The following DMD variants were observed in gnomAD, a reference collection of about 807,000 sequenced individuals.
DMD encodes the protein mutant dystrophin.
DMD carries 63 observed loss-of-function variants against 330.1 expected under a neutral mutation model. That is an observed-to-expected ratio of 0.19 (90% CI 0.16 to 0.24). DMD has a LOEUF of 0.24. Among genes scored for constraint, DMD ranks in the 10% least tolerant of loss-of-function variants. The probability of loss-of-function intolerance (pLI) is 1.00; values close to 1 mark genes in which losing one functional copy is unlikely to be tolerated. For missense variants in DMD, 3,344 were observed against 2,684.1 expected (o/e 1.25, Z -5.43); for synonymous variants, 1,223 against 959.8 (o/e 1.27, Z -5.07).
intron 9 of DMD, among the ~76,000 whole-genome samples, chrX:32,689,023 A>AT (rs1293255666): frequency 1.8e-5 from 2 of 111,000 alleles, no homozygotes; most frequent in African/African-American, 3.3e-5. Flanking sequence ...TCTTTGTAAG[A>AT]TTTTTTTGAA....
chrX:32,795,435 C>A (rs1277234124), intron 7 of DMD, among the ~76,000 whole-genome samples: 1 of 111,854 alleles, frequency 8.9e-6, no homozygotes, highest in Non-Finnish European at 1.9e-5. Flanking sequence ...GAAACTGGAT[C>A]CCTGTCTCTC....
At chrX:32,360,670 C>G (rs960745715) in intron 37 of DMD, among the ~76,000 whole-genome samples, 2 of 108,719 alleles carry the variant, frequency 1.8e-5, no homozygotes, top group African/African-American at 6.7e-5. Flanking sequence ...GCCCGTAATC[C>G]CAGCTACTTG....
intron 23 of DMD, among the ~76,000 whole-genome samples, chrX:32,468,270 G>A (rs1222495968): frequency 9.0e-6 from 1 of 110,677 alleles, no homozygotes. Context: ...ATTGGTAATG[G>A]TGAAAATAGA....
chrX:32,518,170 A>G (rs1037132073), intron 17 of DMD, 39 bp from the exon 18 acceptor site: 2 of 1,167,994 alleles, frequency 1.7e-6, no homozygotes, highest in African/African-American at 1.8e-5. Context: ...TTTCTTGATT[A>G]TCTCTTTCTT....
chrX:31,170,259 G>A (rs1326607456), intron 73 of DMD, among the ~76,000 whole-genome samples: 3 of 111,268 alleles, frequency 2.7e-5, no homozygotes, highest in Non-Finnish European at 5.7e-5. Flanking sequence ...CTCATTCCTC[G>A]GGGCAGAGTT....
chrX:32,160,634 A>T (rs1188946146), intron 44 of DMD, among the ~76,000 whole-genome samples: 1 of 111,278 alleles, frequency 9.0e-6, no homozygotes, highest in Non-Finnish European at 1.9e-5. Flanking sequence ...GTTGTCCAGG[A>T]CAAATAACTG....
At chrX:32,686,328 C>T (rs111781339) in intron 9 of DMD, among the ~76,000 whole-genome samples, 4,428 of 110,200 alleles carry the variant, frequency 0.04, 241 homozygotes, top group African/African-American at 0.14. Context: ...ATGGCCAAGG[C>T]GGCTGGATCA....
intron 1 of DMD, among the ~76,000 whole-genome samples, chrX:33,175,741 A>T (rs1172233568): frequency 8.9e-6 from 1 of 112,009 alleles, no homozygotes; most frequent in Admixed American, 9.5e-5. Context: ...TTAGTAAAAC[A>T]GGGAAGCATA....
chrX:32,407,023 T>C (rs1266616422), intron 30 of DMD, among the ~76,000 whole-genome samples: 1 of 111,378 alleles, frequency 9.0e-6, no homozygotes, highest in African/African-American at 3.3e-5. Flanking sequence ...ATAAAAACCC[T>C]AGAAGAAAAC....
chrX:32,317,702 CAT>C (rs1448976667), intron 41 of DMD, among the ~76,000 whole-genome samples: 4 of 111,068 alleles, frequency 3.6e-5, no homozygotes, highest in East Asian at 2.8e-4. Flanking sequence ...TGCTATATGA[CAT>C]ATGATTATGA....
At chrX:31,142,652 A>G (rs1451373297) in intron 76 of DMD, among the ~76,000 whole-genome samples, 4 of 112,566 alleles carry the variant, frequency 3.6e-5, no homozygotes, top group Admixed American at 9.4e-5. Context: ...TCAATAAAAT[A>G]TAAAATGCTT....
chrX:31,344,885 A>T (rs1352992909), intron 61 of DMD, among the ~76,000 whole-genome samples: 1 of 111,164 alleles, frequency 9.0e-6, no homozygotes, highest in African/African-American at 3.3e-5. Flanking sequence ...ACACGCAACC[A>T]CAAGAGAAAT....
chrX:32,939,076 A>G (rs1461126754), intron 2 of DMD, among the ~76,000 whole-genome samples: 1 of 109,913 alleles, frequency 9.1e-6, no homozygotes, highest in African/African-American at 3.3e-5. Flanking sequence ...TACATTTATA[A>G]TCACGAACAG....
intron 63 of DMD, among the ~76,000 whole-genome samples, chrX:31,249,497 G>T (rs1274411166): frequency 9.0e-6 from 1 of 111,303 alleles, no homozygotes; most frequent in African/African-American, 3.3e-5. Flanking sequence ...CACCTGCCTC[G>T]GCCTCCCAAA....
chrX:31,275,637 C>A (rs1029205812), intron 62 of DMD, among the ~76,000 whole-genome samples: 3 of 110,719 alleles, frequency 2.7e-5, no homozygotes, highest in African/African-American at 9.9e-5. Flanking sequence ...TGGGAAGAAA[C>A]AAGGGTGGAA....
chrX:31,148,670 T>G (rs1378793216), intron 74 of DMD, among the ~76,000 whole-genome samples: 2 of 112,130 alleles, frequency 1.8e-5, no homozygotes, highest in African/African-American at 6.5e-5. Context: ...TTACTCTCGC[T>G]TCAGTAGTGA....
chrX:33,194,267 C>T (rs2050806980), intron 1 of DMD, among the ~76,000 whole-genome samples: 1 of 109,977 alleles, frequency 9.1e-6, no homozygotes, highest in African/African-American at 3.3e-5. Flanking sequence ...TCTATATTTT[C>T]AACTTTCAAA....
At chrX:31,500,627 T>C (rs746924031) in intron 56 of DMD, among the ~76,000 whole-genome samples, 1 of 112,546 alleles carries the variant, frequency 8.9e-6, no homozygotes, top group South Asian at 3.7e-4. Flanking sequence ...GATTAACCTA[T>C]GTTTGCATGT....
At chrX:32,319,201 G>A (rs894133345) in intron 41 of DMD, among the ~76,000 whole-genome samples, 2 of 110,145 alleles carry the variant, frequency 1.8e-5, no homozygotes, top group African/African-American at 6.6e-5. Flanking sequence ...GAAAGAAAAG[G>A]GCTTTGGTTG....
Sources: allele counts gnomAD v4.1 joint callset (sites outside exome capture counted in the v4.1 genomes callset), GRCh38; gene constraint gnomAD v4.1.1; transcripts MANE v1.5; gene names NCBI Gene and HGNC (gene_info 2026-07-23, HGNC 2026-07-21).